Variants in DENND2A observed in about 807,000 individuals in gnomAD.
DENND2A encodes DENN domain containing 2A.
A neutral mutation model predicts 105.3 loss-of-function variants in DENND2A; 53 were observed. That is an observed-to-expected ratio of 0.50 (90% CI 0.40 to 0.63). DENND2A has a LOEUF of 0.63. Ranked by LOEUF, DENND2A falls within the 30% of genes least tolerant of loss-of-function variation. DENND2A has a pLI of 0.00. For synonymous variants in DENND2A, 522 were observed against 508.4 expected, an observed-to-expected ratio of 1.03 and a Z score of -0.36; for missense variants, 1,138 against 1,279.6, an observed-to-expected ratio of 0.89 and a Z score of 1.69.
At chr7:140,617,242 G>A (rs1051873133) in intron 1 of DENND2A, among the ~76,000 whole-genome samples, 1 of 152,234 alleles carries the variant, frequency 6.6e-6, no homozygotes, top group African/African-American at 2.4e-5. Flanking sequence ...CACAAAGTGC[G>A]TGCACCTTTT....
chr7:140,537,343 T>G (rs1796487093), intron 14 of DENND2A, among the ~76,000 whole-genome samples: 1 of 152,272 alleles, frequency 6.6e-6, no homozygotes, highest in Non-Finnish European at 1.5e-5. Context: ...AACTCCTGTA[T>G]GTGTCAAGAT....
rs1167810914 is a variant in DENND2A, at chr7:140,601,404, T to C, written c.994A>G (p.Arg332Gly). 1.9e-6 allele frequency: 3 copies of C among 1,584,434 alleles called. No individual in the cohort carries two copies. In the African/African-American group the frequency reaches 4.0e-5, roughly 21 times the overall value. Residue 332 changes from arginine to glycine, a missense_variant and splice_region_variant, in exon 3 of 20, where the codon AGA (arginine) becomes GGA (glycine). Around this residue, in one of 2 missense-constraint regions of DENND2A, gnomAD observed 511 missense variants for 499.9 expected, o/e 1.02. Transcript: ENST00000496613. ...TGRQKSSADH[R>G]KSYEFEDLLQ... Reference sequence around the variant, plus strand: ...CTGCCTGGCCACACCGGCACCTACCTGTGGTCTGCACTGGATTTCTGTCTC... The same window carrying C: ...CTGCCTGGCCACACCGGCACCTACCCGTGGTCTGCACTGGATTTCTGTCTC...
At chr7:140,608,490 A>G (rs780435530) in intron 1 of DENND2A, among the ~76,000 whole-genome samples, 7 of 152,114 alleles carry the variant, frequency 4.6e-5, no homozygotes, top group Non-Finnish European at 1.0e-4. Context: ...CAGCCTGGGC[A>G]ACATGGCAAA....
intron 6 of DENND2A, among the ~76,000 whole-genome samples, chr7:140,570,222 C>T (rs1455573837): frequency 1.3e-5 from 2 of 152,096 alleles, no homozygotes; most frequent in East Asian, 1.9e-4. Context: ...CACACAGGAA[C>T]GTGACTGTCA....
At chr7:140,571,980 A>ATCTC (rs58273598) in intron 6 of DENND2A, among the ~76,000 whole-genome samples, 16 of 149,052 alleles carry the variant, frequency 1.1e-4, no homozygotes, top group Non-Finnish European at 1.8e-4. Context: ...CAGCAGAACC[A>ATCTC]TCTCTCTCTC....
intron 9 of DENND2A, among the ~76,000 whole-genome samples, chr7:140,562,427 T>C (rs1026564166): frequency 9.9e-5 from 15 of 152,040 alleles, no homozygotes; most frequent in Middle Eastern, 3.4e-3. Context: ...TTTGGGAGGC[T>C]GAGGCGGGCG....
At chr7:140,607,293 G>A (rs1437678620) in intron 1 of DENND2A, among the ~76,000 whole-genome samples, 1 of 152,208 alleles carries the variant, frequency 6.6e-6, no homozygotes, top group African/African-American at 2.4e-5. Context: ...GGAACAAGGA[G>A]AGGAAGGGAG....
rs1799532907 is a variant in DENND2A at position 140,602,083 on chromosome 7, G to GCTCT, written c.311_314dup (p.Ser105ArgfsTer9). The GCTCT allele has an allele frequency of 1.2e-6, 2 of 1,614,088 alleles. No homozygotes were observed. The highest frequency in any genetic ancestry group is 1.7e-6 in the Non-Finnish European group (2 of 1,180,018). ...CTCCTTTATTCCTCTCCTTCTCTGT[G>GCTCT]CTCTCTGTTCCTGGCCTCATTCCAT... On this transcript the variant is annotated frameshift_variant, in exon 3 of 20. Coordinates refer to ENST00000496613, the MANE Select transcript of DENND2A (RefSeq NM_015689.5). LOFTEE classifies it high-confidence loss of function.
intron 1 of DENND2A, among the ~76,000 whole-genome samples, chr7:140,619,388 A>G (rs1243857168): frequency 6.6e-6 from 1 of 152,190 alleles, no homozygotes; most frequent in Non-Finnish European, 1.5e-5. Flanking sequence ...GGTGGGAGGA[A>G]TAAGGAGTGA....
intron 14 of DENND2A, among the ~76,000 whole-genome samples, chr7:140,531,819 G>A (rs1796281572): frequency 1.8e-5 from 1 of 55,616 alleles, no homozygotes; most frequent in Non-Finnish European, 4.0e-5. Flanking sequence ...CTGTCTCAAA[G>A]GAAAACAACA....
At chr7:140,629,388 G>A (rs1315339236) in intron 1 of DENND2A, among the ~76,000 whole-genome samples, 3 of 152,152 alleles carry the variant, frequency 2.0e-5, no homozygotes, top group African/African-American at 7.2e-5. Flanking sequence ...GTTGGGGAAG[G>A]GAAAGTGCTC....
intron 8 of DENND2A, among the ~76,000 whole-genome samples, chr7:140,568,039 C>T (rs918276432): frequency 6.6e-6 from 1 of 152,208 alleles, no homozygotes. Flanking sequence ...CTCCCGGGTT[C>T]AAGTGATACT....
At chr7:140,556,057 C>T (rs879173206) in intron 11 of DENND2A, among the ~76,000 whole-genome samples, 2 of 152,108 alleles carry the variant, frequency 1.3e-5, no homozygotes, top group Admixed American at 1.3e-4. Flanking sequence ...CTCACTCTGT[C>T]ACCAGGCTGG....
intron 1 of DENND2A, among the ~76,000 whole-genome samples, chr7:140,620,115 G>GA (rs1184984218): frequency 6.6e-6 from 1 of 151,912 alleles, no homozygotes; most frequent in East Asian, 1.9e-4. Context: ...AGAATCGCTT[G>GA]AACCCAGGAG....
intron 7 of DENND2A, 30 bp downstream of exon 7, chr7:140,569,615 C>G: frequency 1.4e-6 from 2 of 1,451,986 alleles, no homozygotes; most frequent in Non-Finnish European, 1.9e-6. Context: ...CCGATTCTTG[C>G]GGGAGGAGGG....
At chr7:140,631,854 C>T (rs913520321) in intron 1 of DENND2A, among the ~76,000 whole-genome samples, 2 of 152,124 alleles carry the variant, frequency 1.3e-5, no homozygotes, top group African/African-American at 2.4e-5. Flanking sequence ...TCCCAGAGCA[C>T]GAGGCAAGCT....
chr7:140,608,851 G>A (rs577968789), intron 1 of DENND2A, among the ~76,000 whole-genome samples: 1 of 152,176 alleles, frequency 6.6e-6, no homozygotes, highest in African/African-American at 2.4e-5. Flanking sequence ...CAGTCAACCT[G>A]GGGACCCTGT....
In DENND2A at chr7:140,573,997, G is replaced by A; in HGVS notation, c.1257C>T (p.Ser419=). 6.2e-7 allele frequency: 1 copy of A among 1,614,082 alleles called. No homozygotes were observed. The highest frequency in any genetic ancestry group is 8.5e-7 in the Non-Finnish European group (1 of 1,180,018). The change falls in exon 6 of 20, where the codon TCC becomes TCT. Residue 419 remains serine (S), a synonymous_variant. Transcript: ENST00000496613. The part of the protein sequence containing the change: ...IPDTLTKQSL[S]KPAFFRQNSE... ...AATTTTGTCGGAAAAAAGCAGGTTT[G>A]GACAATGACTGCTGTGAAGGAAAAG...
chr7:140,535,986 T>A (rs1186098851), intron 14 of DENND2A, among the ~76,000 whole-genome samples: 1 of 151,800 alleles, frequency 6.6e-6, no homozygotes, highest in East Asian at 1.9e-4. Flanking sequence ...GAACGAAGGG[T>A]GTCACAGGAA....
Sources: gnomAD v4.1 joint callset for allele counts (sites outside exome capture counted in the v4.1 genomes callset) on GRCh38, gnomAD v4.1.1 for gene constraint, gnomAD v4.1.1 regional missense constraint, MANE v1.5 for transcripts, NCBI Gene and HGNC (gene_info 2026-07-23, HGNC 2026-07-21) for gene names.